Variants in STAU1 observed in about 807,000 individuals in gnomAD.
STAU1 encodes double-stranded RNA-binding protein Staufen homolog 1.
Under a neutral mutation model 62.9 loss-of-function variants are expected in STAU1, and 13 were observed. The ratio of observed to expected loss-of-function variants is 0.21; its 90% CI spans 0.13 to 0.33. The LOEUF is 0.33. Ranked by LOEUF, STAU1 falls within the 10% of genes least tolerant of loss-of-function variation. The pLI, the probability that STAU1 is intolerant of heterozygous loss-of-function variation, is 1.00. For synonymous variants in STAU1, 269 were observed against 265.1 expected (o/e 1.01, Z -0.14); for missense variants, 571 against 712.1 (o/e 0.80, Z 2.25).
At chr20:49,133,032 G>A (rs2092785795) in intron 6 of STAU1, among the ~76,000 whole-genome samples, 1 of 152,126 alleles carries the variant, frequency 6.6e-6, no homozygotes, top group Non-Finnish European at 1.5e-5. Context: ...TTGAGTTAAT[G>A]AATATAAGCA....
intron 6 of STAU1, among the ~76,000 whole-genome samples, chr20:49,130,065 C>T (rs181493769): frequency 6.6e-6 from 1 of 150,468 alleles, no homozygotes; most frequent in Non-Finnish European, 1.5e-5. Flanking sequence ...CAAAAACTCA[C>T]AACAATACAA....
chr20:49,173,428 G>A (rs933087750), intron 2 of STAU1, among the ~76,000 whole-genome samples: 4 of 152,176 alleles, frequency 2.6e-5, no homozygotes, highest in African/African-American at 9.6e-5. Flanking sequence ...TCCAACCTGG[G>A]CAACAAGAGC....
At chr20:49,210,459 T>G in the STAU1 span, 2 of 455,978 alleles carry the variant, frequency 4.4e-6, no homozygotes, top group South Asian at 1.5e-5. Flanking sequence ...TTCTTCCTCC[T>G]CTTCTCTCTC....
At chr20:49,145,604 C>T (rs1161735553) in intron 5 of STAU1, among the ~76,000 whole-genome samples, 1 of 151,596 alleles carries the variant, frequency 6.6e-6, no homozygotes, top group Non-Finnish European at 1.5e-5. Flanking sequence ...GTGGCACATG[C>T]CTGTAATCCC....
chr20:49,146,031 G>A (rs1450857566), intron 5 of STAU1, among the ~76,000 whole-genome samples: 3 of 152,214 alleles, frequency 2.0e-5, no homozygotes, highest in African/African-American at 7.2e-5. Context: ...ATTTTGGGAG[G>A]CCGAGGCAGG....
At chr20:49,134,337 A>C in intron 6 of STAU1, 8 of 402,522 alleles carry the variant, frequency 2.0e-5, no homozygotes, top group South Asian at 2.0e-4. Flanking sequence ...AGGCTGAGGC[A>C]GGAGAATCGC....
chr20:49,118,882 G>A (rs954482350), intron 9 of STAU1, among the ~76,000 whole-genome samples: 1 of 152,208 alleles, frequency 6.6e-6, no homozygotes, highest in East Asian at 1.9e-4. Context: ...TAAGAATTTT[G>A]TCTAACACAA....
chr20:49,146,078 T>G (rs2093125131), intron 5 of STAU1, among the ~76,000 whole-genome samples: 1 of 152,184 alleles, frequency 6.6e-6, no homozygotes, highest in Admixed American at 6.6e-5. Context: ...GACACCAGCC[T>G]GGGAAACATG....
At chr20:49,200,013 A>G in the STAU1 span, among the ~76,000 whole-genome samples, 1 of 152,158 alleles carries the variant, frequency 6.6e-6, no homozygotes, top group Non-Finnish European at 1.5e-5. Context: ...CCCAGCCAGG[A>G]ACTCTTATTC....
intron 6 of STAU1, among the ~76,000 whole-genome samples, chr20:49,125,081 A>AAAAC (rs1555836385): frequency 2.0e-5 from 3 of 150,370 alleles, no homozygotes; most frequent in African/African-American, 4.9e-5. Context: ...TAAAAAAAAA[A>AAAAC]AAAAAAAAAA....
At chr20:49,176,796 G>A (rs1372598288) in intron 1 of STAU1, among the ~76,000 whole-genome samples, 1 of 152,018 alleles carries the variant, frequency 6.6e-6, no homozygotes, top group African/African-American at 2.4e-5. Flanking sequence ...TTACCAATAG[G>A]GGCCTCACCT....
chr20:49,135,911 T>C lies in STAU1; in HGVS notation c.531A>G (p.Glu177=). ...ERLEVNGRES[E]EENLNKSEIS... ...TTTCAGATTTATTGAGATTTTCTTC[T>C]TCGGATTCTCTTCCATTCACCTGTA... Residue 177 remains glutamate (E), a synonymous_variant, in exon 6 of 14, where the codon GAA becomes GAG. Transcript: ENST00000371856. The C allele has an allele frequency of 6.2e-7, 1 of 1,613,744 alleles. No homozygotes were observed. The highest frequency in any genetic ancestry group is 8.5e-7 in the Non-Finnish European group (1 of 1,179,834).
At position 49,117,904 on chromosome 20, in the gene STAU1, TACA is replaced by T; in HGVS notation, c.1379_1381del (p.Leu460del). ...CTCGGCTGTGGGCGAGGTGCCCCCA[TACA>T]ACAACTCTCGGGCTATCATGGCAGT... On this transcript the variant is annotated inframe_deletion, in exon 11 of 14. Transcript: ENST00000371856. This position sits in a 1 kb window ranked among gnomAD's most constrained non-coding sequence, Gnocchi z 4.6. 1 of 1,614,162 alleles carries T rather than the reference TACA, an allele frequency of 6.2e-7. No homozygotes were observed. Among genetic ancestry groups the T allele is most frequent in the Non-Finnish European group, 8.5e-7 (1 of 1,180,020 alleles).
At chr20:49,162,977 A>C (rs934514026) in intron 3 of STAU1, among the ~76,000 whole-genome samples, 1 of 151,952 alleles carries the variant, frequency 6.6e-6, no homozygotes, top group African/African-American at 2.4e-5. Context: ...GCGGATCACG[A>C]GGTCAAGAGA....
At chr20:49,165,555 C>CA (rs2093513132) in intron 3 of STAU1, among the ~76,000 whole-genome samples, 2 of 152,064 alleles carry the variant, frequency 1.3e-5, no homozygotes, top group African/African-American at 4.8e-5. Context: ...AGGCTGGTCT[C>CA]AAACTCCTGA....
At chr20:49,203,029 G>T in the STAU1 span, among the ~76,000 whole-genome samples, 4 of 152,036 alleles carry the variant, frequency 2.6e-5, no homozygotes, top group Non-Finnish European at 1.5e-5. Flanking sequence ...ATGACAGAGG[G>T]ATGCTCTGTC....
At chr20:49,165,719 G>C (rs1367864930) in intron 3 of STAU1, among the ~76,000 whole-genome samples, 1 of 152,194 alleles carries the variant, frequency 6.6e-6, no homozygotes, top group African/African-American at 2.4e-5. Flanking sequence ...AATTCTTTCT[G>C]CCAGCCACCG....
intron 3 of STAU1, among the ~76,000 whole-genome samples, chr20:49,159,385 G>A (rs1050222655): frequency 4.6e-5 from 7 of 152,008 alleles, no homozygotes; most frequent in Admixed American, 1.3e-4. Flanking sequence ...GAAAATATGC[G>A]GTTAGAGATG....
intron 4 of STAU1, among the ~76,000 whole-genome samples, chr20:49,152,951 G>C (rs2093280381): frequency 6.6e-6 from 1 of 152,104 alleles, no homozygotes; most frequent in South Asian, 2.1e-4. Context: ...AAGAGCAGTA[G>C]TTAAAGAAGC....
Sources: gnomAD v4.1 joint callset for allele counts (sites outside exome capture counted in the v4.1 genomes callset) on GRCh38, gnomAD v4.1.1 for gene constraint, Gnocchi (gnomAD v3.1) non-coding constraint, MANE v1.5 for transcripts, NCBI Gene and HGNC (gene_info 2026-07-23, HGNC 2026-07-21) for gene names.